PCDH7: variants seen among roughly 807,000 people sequenced by gnomAD.
The protein encoded by PCDH7 is protocadherin 7.
In PCDH7, 17 loss-of-function variants were observed where a neutral mutation model predicts 58.9. The observed-to-expected ratio is 0.29, with a 90% CI of 0.20 to 0.43. PCDH7 has a LOEUF of 0.43. Among genes scored for constraint, PCDH7 ranks in the 20% least tolerant of loss-of-function variants. The pLI is 1.00. For synonymous variants in PCDH7, 664 were observed against 616.4 expected (o/e 1.08, Z -1.14); for missense variants, 1,274 against 1,441.0 (o/e 0.88, Z 1.88).
At chr4:31,032,668 AAGGGAGGGAGGGAGGG>A (rs547402140) in intron 3 of PCDH7, among the ~76,000 whole-genome samples, 26 of 71,212 alleles carry the variant, frequency 3.7e-4, no homozygotes, top group South Asian at 2.4e-3. Flanking sequence ...GGAAGGAAGG[AAGGGAGGGAGGGAGGG>A]AGGGAGGGAG....
At chr4:31,004,858 T>A (rs1030571166) in intron 3 of PCDH7, among the ~76,000 whole-genome samples, 3 of 152,176 alleles carry the variant, frequency 2.0e-5, no homozygotes, top group African/African-American at 7.2e-5. Flanking sequence ...ATGCCCTAGA[T>A]CACACAGCTA....
At chr4:30,729,787 A>G (rs1715215167) in intron 1 of PCDH7, among the ~76,000 whole-genome samples, 1 of 152,058 alleles carries the variant, frequency 6.6e-6, no homozygotes, top group Non-Finnish European at 1.5e-5. Flanking sequence ...ACACACAGTC[A>G]TGCACGAATG....
chr4:30,928,678 C>T (rs974176523), intron 2 of PCDH7, among the ~76,000 whole-genome samples: 13 of 152,098 alleles, frequency 8.5e-5, no homozygotes, highest in East Asian at 1.9e-4. Context: ...CAATTATAGA[C>T]GCAAGTTTTG....
At position 30,745,157 on chromosome 4, in the gene PCDH7, C is replaced by T. The variant is rs577642400; in HGVS notation, c.70+20561C>T. 3.9e-5 allele frequency among the ~76,000 whole-genome samples: 6 copies of T among 152,194 alleles called. No individual in the cohort carries two copies. The East Asian group carries it at 1.2e-3, about 29-fold the overall frequency. ...ACATTTCTGGAATGTTTACACCCTC[C>T]CATGGCAACTTCTTTGAAGAGTACA... On this transcript the variant is annotated intron_variant, in intron 1 of 3. Transcript: ENST00000509759.
At chr4:30,975,359 A>G (rs1749979563) in intron 3 of PCDH7, among the ~76,000 whole-genome samples, 1 of 152,168 alleles carries the variant, frequency 6.6e-6, no homozygotes, top group African/African-American at 2.4e-5. Context: ...GTGTATCTCA[A>G]AAATCATCAG....
downstream of PCDH7, among the ~76,000 whole-genome samples, chr4:30,734,787 T>C (rs754170719): frequency 8.5e-5 from 13 of 152,070 alleles, no homozygotes; most frequent in Non-Finnish European, 1.5e-4. Flanking sequence ...GGCCTAGGCT[T>C]TGTTGCTAGG....
chr4:31,016,218 G>A (rs1753588798), intron 3 of PCDH7, among the ~76,000 whole-genome samples: 1 of 151,926 alleles, frequency 6.6e-6, no homozygotes, highest in African/African-American at 2.4e-5. Flanking sequence ...TAGATTATGA[G>A]GACCATATGG....
At chr4:30,745,070 C>A (rs1717589601) in intron 1 of PCDH7, among the ~76,000 whole-genome samples, 1 of 151,992 alleles carries the variant, frequency 6.6e-6, no homozygotes, top group Admixed American at 6.6e-5. Flanking sequence ...TGCTGTGAAG[C>A]GATTTCCAAA....
At chr4:30,851,562 A>C (rs2109346714) in intron 1 of PCDH7, among the ~76,000 whole-genome samples, 1 of 152,178 alleles carries the variant, frequency 6.6e-6, no homozygotes, top group South Asian at 2.1e-4. Flanking sequence ...AAATGGTTGG[A>C]CAAACTATTT....
chr4:31,075,923 A>C (rs6820873), intron 3 of PCDH7, among the ~76,000 whole-genome samples: 83,608 of 152,036 alleles, frequency 0.55, 24,537 homozygotes, highest in East Asian at 0.78. Flanking sequence ...GAAAGGATGT[A>C]AAGTACTCCA....
intron 1 of PCDH7, among the ~76,000 whole-genome samples, chr4:30,823,113 T>C (rs1008132793): frequency 6.6e-6 from 1 of 152,156 alleles, no homozygotes; most frequent in Non-Finnish European, 1.5e-5. Context: ...CATTAAAACA[T>C]GGAGATTGTC....
chr4:30,966,216 T>TA (rs1464721452), intron 3 of PCDH7, among the ~76,000 whole-genome samples: 1 of 152,188 alleles, frequency 6.6e-6, no homozygotes, highest in Non-Finnish European at 1.5e-5. Flanking sequence ...CAGCATATAT[T>TA]ATTGCAAGCA....
intron 3 of PCDH7, among the ~76,000 whole-genome samples, chr4:31,047,411 A>C (rs1756375560): frequency 6.6e-6 from 1 of 152,050 alleles, no homozygotes; most frequent in Admixed American, 6.6e-5. Context: ...AATCATAAAC[A>C]TTGGGTCATG....
Position 30,776,825 on chromosome 4 carries a change from T to C in PCDH7, c.70+52229T>C, listed in dbSNP as rs1486109427. ...TATCATTAGGTACACGTACTGGTTGTTCTTCAGAAATATGATTATAATTTT... is the reference window on the plus strand; with the variant it reads ...TATCATTAGGTACACGTACTGGTTGCTCTTCAGAAATATGATTATAATTTT... On this transcript the variant is annotated intron_variant, in intron 1 of 3. Transcript: ENST00000509759. 4.6e-5 allele frequency among the ~76,000 whole-genome samples: 7 copies of C among 150,894 alleles called. No homozygotes were observed. The Admixed American group carries it at 4.7e-4, about 10-fold the overall frequency.
chr4:30,806,320 T>C (rs965473189), intron 1 of PCDH7, among the ~76,000 whole-genome samples: 2 of 152,032 alleles, frequency 1.3e-5, no homozygotes, highest in African/African-American at 2.4e-5. Flanking sequence ...TTTCCTTTTT[T>C]TTTTCAGACA....
chr4:31,051,061 C>A (rs771828651), intron 3 of PCDH7, among the ~76,000 whole-genome samples: 1 of 152,120 alleles, frequency 6.6e-6, no homozygotes, highest in Non-Finnish European at 1.5e-5. Context: ...AACTATTTCA[C>A]TATTTGTGTG....
rs1474567273 is a variant in PCDH7, at chr4:30,810,525, T to C, written c.70+85929T>C. Reference sequence around the variant, plus strand: ...AATAAAATTATAATGAATAATTAAATGATGAAAACTCTTGTAAATTATGAT... The same window carrying C: ...AATAAAATTATAATGAATAATTAAACGATGAAAACTCTTGTAAATTATGAT... On this transcript the variant is annotated intron_variant, in intron 1 of 3. Transcript: ENST00000509759. Among the ~76,000 whole-genome samples, 3 of 152,152 alleles carry C rather than the reference T, an allele frequency of 2.0e-5. No individual in the cohort carries two copies. The East Asian group carries it at 5.8e-4, about 29-fold the overall frequency.
chr4:31,021,273 C>A (rs1439500698), intron 3 of PCDH7, among the ~76,000 whole-genome samples: 1 of 152,058 alleles, frequency 6.6e-6, no homozygotes, highest in African/African-American at 2.4e-5. Context: ...TCTTACATAG[C>A]CCCTAGGGAA....
At chr4:30,916,820 C>T (rs1322092022) in intron 1 of PCDH7, among the ~76,000 whole-genome samples, 1 of 152,122 alleles carries the variant, frequency 6.6e-6, no homozygotes, top group Non-Finnish European at 1.5e-5. Context: ...CCTTTCTGTG[C>T]CTCTTCATCA....
Sources: allele counts gnomAD v4.1 joint callset (sites outside exome capture counted in the v4.1 genomes callset), GRCh38; gene constraint gnomAD v4.1.1; transcripts MANE v1.5; gene names NCBI Gene and HGNC (gene_info 2026-07-23, HGNC 2026-07-21).